USP40: variants seen among roughly 807,000 people sequenced by gnomAD.
The protein encoded by USP40 is ubiquitin carboxyl-terminal hydrolase 40.
Under a neutral mutation model 166.2 loss-of-function variants are expected in USP40, and 143 were observed. That is an observed-to-expected ratio of 0.86 (90% CI 0.75 to 0.99). The LOEUF is 0.99. Ranked by LOEUF, USP40 falls within the 50% of genes least tolerant of loss-of-function variation. The pLI is 0.00. For missense variants in USP40, 1,444 were observed against 1,479.7 expected, an observed-to-expected ratio of 0.98 and a Z score of 0.40; for synonymous variants, 498 against 524.0, an observed-to-expected ratio of 0.95 and a Z score of 0.68.
In USP40 at chr2:233,485,828, T is replaced by C; in HGVS notation, c.3347A>G (p.Glu1116Gly). 6.2e-7 allele frequency: 1 copy of C among 1,611,780 alleles called. No homozygotes were observed. The highest frequency in any genetic ancestry group is 8.5e-7 in the Non-Finnish European group (1 of 1,179,300). Residue 1116 changes from glutamate to glycine, a missense_variant, in exon 29 of 32, where the codon GAG becomes GGG. By Grantham distance (98) the Glu-to-Gly change is moderately conservative. Transcript: ENST00000678225. ...RVADFYRLPV[E>G]KIEIAKYFPE... ...AAAGTATTTGGCAATTTCAATCTTCTCCACGGGAAGACGATAGAAATCGGC... is the reference window on the plus strand; with the variant it reads ...AAAGTATTTGGCAATTTCAATCTTCCCCACGGGAAGACGATAGAAATCGGC...
At chr2:233,520,334 T>C (rs1388153941) in intron 17 of USP40, among the ~76,000 whole-genome samples, 2 of 152,122 alleles carry the variant, frequency 1.3e-5, no homozygotes. Context: ...TCTTCTGAAC[T>C]TTAGTGTATT....
chr2:233,526,419 T>C (rs1259227054), intron 13 of USP40, among the ~76,000 whole-genome samples: 2 of 152,028 alleles, frequency 1.3e-5, no homozygotes, highest in Non-Finnish European at 2.9e-5. Context: ...CAGAAATAAA[T>C]TTCTAATGAA....
At chr2:233,552,621 A>G (rs1184866520) in intron 6 of USP40, among the ~76,000 whole-genome samples, 1 of 152,236 alleles carries the variant, frequency 6.6e-6, no homozygotes, top group East Asian at 1.9e-4. Context: ...TTTATACACC[A>G]AAGTGAAATA....
In USP40 at chr2:233,529,498, T is replaced by C; in HGVS notation, c.1486A>G (p.Arg496Gly). The change falls in exon 12 of 32, where the codon AGA becomes GGA. Residue 496 changes from arginine (R) to glycine (G), a missense_variant. By Grantham distance (125) the Arg-to-Gly change is moderately radical. Transcript: ENST00000678225. ...QRPPEARANP[R>G]YGVPCHLLNE... ...AGTAAATGACATGGAACCCCATATC[T>C]TGGATTAGCTCGAGCTGTGAACAAA... The C allele has an allele frequency of 1.3e-6, 2 of 1,583,468 alleles. No individual in the cohort carries two copies. Among genetic ancestry groups the C allele is most frequent in the Non-Finnish European group, 1.7e-6 (2 of 1,163,014 alleles).
chr2:233,495,172 A>G (rs2125089221), intron 24 of USP40, among the ~76,000 whole-genome samples: 2 of 151,548 alleles, frequency 1.3e-5, no homozygotes, highest in South Asian at 4.2e-4. Context: ...TTCACAGCAT[A>G]CACTAGGAGA....
chr2:233,534,293 GCA>G (rs1286813158), intron 10 of USP40, among the ~76,000 whole-genome samples: 1 of 152,122 alleles, frequency 6.6e-6, no homozygotes, highest in Non-Finnish European at 1.5e-5. Flanking sequence ...GAAAATCAAA[GCA>G]TAGTAAGGGT....
At chr2:233,565,696 C>A in intron 1 of USP40, 123 bp from the exon 2 acceptor site, 1 of 885,584 alleles carries the variant, frequency 1.1e-6, no homozygotes. Flanking sequence ...TTTCTATGTA[C>A]AGTAGTTGGG....
At chr2:233,554,342 A>C in intron 6 of USP40, 38 bp downstream of exon 6, 1 of 1,565,100 alleles carries the variant, frequency 6.4e-7, no homozygotes, top group Non-Finnish European at 8.6e-7. Flanking sequence ...CTAACTACAA[A>C]GTGGGGACCC....
intron 8 of USP40, among the ~76,000 whole-genome samples, chr2:233,548,161 T>TG (rs2070174110): frequency 6.6e-6 from 1 of 152,010 alleles, no homozygotes; most frequent in Admixed American, 6.5e-5. Flanking sequence ...TTTTTTCAAG[T>TG]GGAAAAAAAT....
Position 233,475,538 on chromosome 2 carries a change from A to AAAT in USP40, c.*1851_*1853dup, listed in dbSNP as rs1280642635. On this transcript the variant is annotated 3_prime_UTR_variant, in exon 32 of 32. Coordinates refer to ENST00000678225, the MANE Select transcript of USP40 (RefSeq NM_001365479.2). Reference sequence around the variant, plus strand: ...AGCAGCTAAGGGCTACAACTTTAAAAAATGGTTTATTTTTTTCTTTAACAA... The same window carrying AAAT: ...AGCAGCTAAGGGCTACAACTTTAAAAAATAATGGTTTATTTTTTTCTTTAACAA... 6.6e-6 allele frequency: 1 copy of AAAT among 152,346 alleles called. No homozygotes were observed. The highest frequency in any genetic ancestry group is 1.5e-5 in the Non-Finnish European group (1 of 68,044). The allele number at this position is 152,346 out of a possible 1,614,324, so 9.4% of individuals were successfully genotyped here.
intron 24 of USP40, among the ~76,000 whole-genome samples, chr2:233,494,272 ATT>A (rs148019660): frequency 6.7e-6 from 1 of 149,028 alleles, no homozygotes; most frequent in Non-Finnish European, 1.5e-5. Flanking sequence ...ACAAAATTCC[ATT>A]TTTTTTTTTC....
At chr2:233,540,448 A>G (rs957780706) in intron 10 of USP40, among the ~76,000 whole-genome samples, 1 of 152,084 alleles carries the variant, frequency 6.6e-6, no homozygotes, top group Non-Finnish European at 1.5e-5. Context: ...TTTAGGAGTC[A>G]CTCCCCACTA....
At chr2:233,565,316 TG>T (rs2072041550) in intron 2 of USP40, 39 bp downstream of exon 2, 18 of 1,390,062 alleles carry the variant, frequency 1.3e-5, no homozygotes, top group Non-Finnish European at 1.7e-5. Context: ...GTAAAGAAGA[TG>T]GTACATATTG....
At position 233,566,760 on chromosome 2, in the gene USP40, G is replaced by A. The variant is rs957632527; in HGVS notation, c.-96C>T. On this transcript the variant is annotated 5_prime_UTR_variant, in exon 1 of 32. Transcript: ENST00000678225. Reference sequence around the variant, plus strand: ...GCCCCAACTGGGCGCCGCCATGTTGGCGAGGGCGGGTCTCCAGAAAGTGAT... The same window carrying A: ...GCCCCAACTGGGCGCCGCCATGTTGACGAGGGCGGGTCTCCAGAAAGTGAT... 60 of 985,848 alleles carry A rather than the reference G, an allele frequency of 6.1e-5. No homozygotes were observed. Among genetic ancestry groups the A allele is most frequent in the Non-Finnish European group, 7.1e-5 (59 of 829,982 alleles). The allele number at this position is 985,848 out of a possible 1,614,324, so 61.1% of individuals were successfully genotyped here. A position where few individuals can be genotyped will look rare whatever the true frequency, so the allele number is the denominator to read the frequency against.
chr2:233,490,309 C>G (rs943183732), intron 26 of USP40, among the ~76,000 whole-genome samples: 11 of 151,570 alleles, frequency 7.3e-5, no homozygotes, highest in Non-Finnish European at 1.0e-4. Context: ...ATTACAGGTG[C>G]CTGCCACCGT....
At chr2:233,494,257 G>A (rs2065521287) in intron 24 of USP40, among the ~76,000 whole-genome samples, 1 of 148,758 alleles carries the variant, frequency 6.7e-6, no homozygotes, top group South Asian at 2.1e-4. Flanking sequence ...ATGTAAATCA[G>A]AACAACAAAA....
intron 10 of USP40, among the ~76,000 whole-genome samples, chr2:233,535,158 G>C (rs1022512137): frequency 6.6e-6 from 1 of 152,140 alleles, no homozygotes; most frequent in African/African-American, 2.4e-5. Context: ...CCACGAAGGA[G>C]CCCCAATTCT....
chr2:233,527,469 C>T lies in USP40; in HGVS notation c.1663G>A (p.Val555Met), dbSNP rs527497176. 98 of 1,613,768 alleles carry T rather than the reference C, an allele frequency of 6.1e-5. No individual in the cohort carries two copies. Among genetic ancestry groups the T allele is most frequent in the Middle Eastern group, 1.7e-4 (1 of 6,038 alleles). Reference protein sequence around the residue: ...LHPVVSQTESVWDLTFDKRKT... With the variant: ...LHPVVSQTESMWDLTFDKRKT... ...CTTTTATCAAAGGTCAAATCCCACA[C>T]GCTTTCTGTTTGAGAGACTACTGGG... The change falls in exon 13 of 32, where the codon GTG (valine) becomes ATG (methionine). Residue 555 changes from valine to methionine, a missense_variant. Coordinates refer to ENST00000678225, the MANE Select transcript of USP40 (RefSeq NM_001365479.2).
chr2:233,539,848 A>G lies in USP40; in HGVS notation c.1170+814T>C, dbSNP rs1406460323. Among the ~76,000 whole-genome samples the G allele has an allele frequency of 2.0e-5, 3 of 152,212 alleles. No individual in the cohort carries two copies. In the East Asian group the frequency reaches 5.8e-4, roughly 29 times the overall value. On this transcript the variant is annotated intron_variant, in intron 10 of 31. Transcript: ENST00000678225. ...AGAGAAAATCAATAGCATTGCATCAAATTATATCTAAGGCAAAAGCTGGTT... is the reference window on the plus strand; with the variant it reads ...AGAGAAAATCAATAGCATTGCATCAGATTATATCTAAGGCAAAAGCTGGTT...
Sources: allele counts gnomAD v4.1 joint callset (sites outside exome capture counted in the v4.1 genomes callset), GRCh38; gene constraint gnomAD v4.1.1; transcripts MANE v1.5; gene names NCBI Gene and HGNC (gene_info 2026-07-23, HGNC 2026-07-21).